The following FRZB variants were observed in gnomAD, a reference collection of about 807,000 sequenced individuals.
FRZB encodes the protein secreted frizzled-related protein 3.
In FRZB, 34 loss-of-function variants were observed where a neutral mutation model predicts 32.5. That is an observed-to-expected ratio of 1.05 (90% CI 0.80 to 1.39). The LOEUF is 1.39. Among genes scored for constraint, FRZB ranks in the 40% most tolerant of loss-of-function variants. FRZB has a pLI of 0.00. For missense variants in FRZB, 423 were observed against 424.8 expected, an observed-to-expected ratio of 1.00 and a Z score of 0.04; for synonymous variants, 170 against 159.2, an observed-to-expected ratio of 1.07 and a Z score of -0.51.
chr2:182,862,182 G>T (rs902273610), intron 1 of FRZB, among the ~76,000 whole-genome samples: 2 of 152,242 alleles, frequency 1.3e-5, no homozygotes, highest in Non-Finnish European at 2.9e-5. Flanking sequence ...GCATATGAAA[G>T]TTGGCACGGC....
rs1158254561 is a variant in FRZB at position 182,838,760 on chromosome 2, G to C, written c.593-147C>G. 12 of 658,546 alleles carry C rather than the reference G, an allele frequency of 1.8e-5. No homozygotes were observed. The South Asian group carries it at 2.3e-4, about 13-fold the overall frequency. The allele number at this position is 658,546 out of a possible 1,614,324, so 40.8% of individuals were successfully genotyped here. On this transcript the variant is annotated intron_variant, in intron 3 of 5. Coordinates refer to ENST00000295113, the MANE Select transcript of FRZB (RefSeq NM_001463.4). ...ACAGAAAAGTCAGCCAGATATTTTTGCCTTAGACTGTAGTGTGTGACATAA... is the reference window on the plus strand; with the variant it reads ...ACAGAAAAGTCAGCCAGATATTTTTCCCTTAGACTGTAGTGTGTGACATAA...
chr2:182,835,029 T>A, intron 5 of FRZB, 64 bp from the exon 6 acceptor site: 1 of 1,189,002 alleles, frequency 8.4e-7, no homozygotes, highest in Non-Finnish European at 1.3e-6. Flanking sequence ...TTTCCATGAT[T>A]CTAACAACTG....
Position 182,855,211 on chromosome 2 carries a change from T to C in FRZB, c.526+3575A>G, listed in dbSNP as rs548222403. ...AAAAAGAAAATCAGCATTTTCCATA[T>C]AACTTTAAGTAAACAAGACCCAAAG... On this transcript the variant is annotated intron_variant, in intron 2 of 5. Transcript: ENST00000295113. 5.9e-5 allele frequency among the ~76,000 whole-genome samples: 9 copies of C among 152,306 alleles called. No individual in the cohort carries two copies. The South Asian group carries it at 1.0e-3, about 18-fold the overall frequency.
Position 182,842,496 on chromosome 2 carries a change from G to C in FRZB, c.574C>G (p.Arg192Gly), listed in dbSNP as rs201046936. 1 of 1,612,348 alleles carries C rather than the reference G, an allele frequency of 6.2e-7. No homozygotes were observed. The part of the protein sequence containing the change: ...PIRATQKTYF[R>G]NNYNYVIRAK... ...TCCTTACCATAGTTGTAATTGTTCC[G>C]GAAATAGGTCTTCTGTGTAGCTCTA... Residue 192 changes from arginine to glycine, a missense_variant, in exon 3 of 6, where the codon CGG becomes GGG. Physicochemically the swap from Arg to Gly is moderately radical, Grantham distance 125. Transcript: ENST00000295113.
In FRZB at chr2:182,838,002, C is replaced by A. The variant is rs1447453252; in HGVS notation, c.807G>T (p.Leu269Phe). ...ACTTCTCAGCTATAGAGCCTTCCAC[C>A]AAGAGTAATCTGTATTTTTGAAAGA... is the stretch of plus-strand genomic sequence containing the variant. The part of the protein sequence containing the change: ...YEDEERSRLL[L>F]VEGSIAEKWK... Residue 269 changes from leucine (L) to phenylalanine (F), a missense_variant, in exon 5 of 6, where the codon TTG becomes TTT. Transcript: ENST00000295113. 6.2e-7 allele frequency: 1 copy of A among 1,611,012 alleles called. No homozygotes were observed. Among genetic ancestry groups the A allele is most frequent in the African/African-American group, 1.3e-5 (1 of 74,762 alleles).
At chr2:182,846,823 A>T (rs184793620) in intron 2 of FRZB, among the ~76,000 whole-genome samples, 131 of 152,322 alleles carry the variant, frequency 8.6e-4, no homozygotes, top group Admixed American at 1.5e-3. Flanking sequence ...AGCAGTTCCA[A>T]AATTTTTAAC....
In FRZB at chr2:182,834,825, G is replaced by A. The variant is rs372427617; in HGVS notation, c.*24C>T. 1.3e-6 allele frequency: 2 copies of A among 1,537,062 alleles called. No homozygotes were observed. The highest frequency in any genetic ancestry group is 1.4e-5 in the African/African-American group (1 of 72,868). On this transcript the variant is annotated 3_prime_UTR_variant, in exon 6 of 6. Transcript: ENST00000295113. The stretch of plus-strand genomic sequence containing the variant: ...AGTAAGTCTTAATAGGAAGTCCACT[G>A]TGTTACTTTTTGTATTTCGGGATTT...
At chr2:182,842,587 T>G (rs1215450410) in intron 2 of FRZB, 44 bp from the exon 3 acceptor site, 1 of 1,488,466 alleles carries the variant, frequency 6.7e-7, no homozygotes, top group South Asian at 1.1e-5. Flanking sequence ...CAATATTAGC[T>G]TTCTTTTGTT....
At chr2:182,841,178 A>G (rs1181236337) in intron 3 of FRZB, among the ~76,000 whole-genome samples, 1 of 152,158 alleles carries the variant, frequency 6.6e-6, no homozygotes, top group African/African-American at 2.4e-5. Context: ...TTGACTAAGA[A>G]AAGCTACAAT....
intron 1 of FRZB, among the ~76,000 whole-genome samples, chr2:182,863,916 T>A (rs1574990380): frequency 6.6e-6 from 1 of 152,126 alleles, no homozygotes; most frequent in East Asian, 1.9e-4. Flanking sequence ...CCCCCCACCT[T>A]TGAGCTCCCC....
chr2:182,861,918 A>G (rs1030994121), intron 1 of FRZB, among the ~76,000 whole-genome samples: 3 of 152,252 alleles, frequency 2.0e-5, no homozygotes, highest in South Asian at 2.1e-4. Flanking sequence ...TACTACTAAC[A>G]TAACACTGAG....
At position 182,834,009 on chromosome 2, in the gene FRZB, A is replaced by G. The variant is rs1198052275; in HGVS notation, c.*840T>C. On this transcript the variant is annotated 3_prime_UTR_variant, in exon 6 of 6. Coordinates refer to ENST00000295113, the MANE Select transcript of FRZB (RefSeq NM_001463.4). ...TTATTTTAAAAGAAGAGAAAAAAAA[A>G]GACTTTCACCAATGGGTTTATTTAA... 2.0e-5 allele frequency: 3 copies of G among 151,712 alleles called. No individual in the cohort carries two copies. The highest frequency in any genetic ancestry group is 7.3e-5 in the African/African-American group (3 of 41,092). 9.4% of individuals were successfully genotyped at this position (151,712 alleles called of 1,614,324 possible).
chr2:182,838,284 T>C (rs1294496884), intron 4 of FRZB, 125 bp downstream of exon 4: 4 of 818,628 alleles, frequency 4.9e-6, no homozygotes, highest in Admixed American at 2.7e-5. Flanking sequence ...CTAAAACTTA[T>C]CTGTAATCCC....
chr2:182,859,268 C>T (rs1384254228), intron 1 of FRZB, among the ~76,000 whole-genome samples: 4 of 151,896 alleles, frequency 2.6e-5, no homozygotes, highest in South Asian at 2.1e-4. Flanking sequence ...AGTTCCTAAA[C>T]GAACACTCAG....
chr2:182,859,189 A>C (rs1246976140), intron 1 of FRZB, among the ~76,000 whole-genome samples: 1 of 147,572 alleles, frequency 6.8e-6, no homozygotes, highest in African/African-American at 2.5e-5. Flanking sequence ...ACTTGATGAC[A>C]AAAAAAAAAC....
At chr2:182,855,543 A>G (rs1042758159) in intron 2 of FRZB, among the ~76,000 whole-genome samples, 3 of 152,226 alleles carry the variant, frequency 2.0e-5, no homozygotes, top group Non-Finnish European at 2.9e-5. Context: ...GAGATTGAAC[A>G]AGACCAACGA....
Position 182,838,022 on chromosome 2 carries a change from G to A in FRZB, c.798-11C>T. ...TCCACCAAGAGTAATCTGTATTTTT[G>A]AAAGAAGCAAACATTTTTGAAAAAT... is the stretch of plus-strand genomic sequence containing the variant. On this transcript the variant is annotated splice_polypyrimidine_tract_variant and intron_variant, in intron 4 of 5. Coordinates refer to ENST00000295113, the MANE Select transcript of FRZB (RefSeq NM_001463.4). The A allele has an allele frequency of 6.2e-7, 1 of 1,606,532 alleles. No homozygotes were observed. The highest frequency in any genetic ancestry group is 8.5e-7 in the Non-Finnish European group (1 of 1,175,724).
chr2:182,848,963 C>T (rs538067704), intron 2 of FRZB, among the ~76,000 whole-genome samples: 40 of 152,210 alleles, frequency 2.6e-4, no homozygotes, highest in African/African-American at 9.6e-4. Context: ...TGCGGTGGCT[C>T]ACGTCTGTAA....
intron 5 of FRZB, among the ~76,000 whole-genome samples, chr2:182,837,341 A>T (rs1410566257): frequency 6.6e-6 from 1 of 152,098 alleles, no homozygotes; most frequent in African/African-American, 2.4e-5. Context: ...TACACTTTGT[A>T]CATAGGAATT....
Sources: allele counts gnomAD v4.1 joint callset (sites outside exome capture counted in the v4.1 genomes callset), GRCh38; gene constraint gnomAD v4.1.1; transcripts MANE v1.5; gene names NCBI Gene and HGNC (gene_info 2026-07-23, HGNC 2026-07-21).